Variants in ZZEF1 observed in about 807,000 individuals in gnomAD.
ZZEF1 encodes the protein zinc finger ZZ-type and EF-hand domain-containing protein 1.
In ZZEF1, 157 loss-of-function variants were observed where a neutral mutation model predicts 342.8. The observed-to-expected ratio is 0.46, with a 90% CI of 0.40 to 0.52. The LOEUF (loss-of-function observed/expected upper bound fraction) is 0.52, where lower values mean the gene tolerates loss of function less well. Among genes scored for constraint, ZZEF1 ranks in the 20% least tolerant of loss-of-function variants. The pLI is 0.00. For missense variants in ZZEF1, 3,480 were observed against 3,725.6 expected, an observed-to-expected ratio of 0.93 and a Z score of 1.72; for synonymous variants, 1,505 against 1,429.1, an observed-to-expected ratio of 1.05 and a Z score of -1.20.
At chr17:4,140,815 T>C (rs942276797) in intron 1 of ZZEF1, among the ~76,000 whole-genome samples, 1 of 152,112 alleles carries the variant, frequency 6.6e-6, no homozygotes, top group African/African-American at 2.4e-5. Context: ...CCACTACTAC[T>C]TCATATTCTC....
In ZZEF1 at chr17:4,075,363, G is replaced by T; in HGVS notation, c.3301C>A (p.His1101Asn). ...VLHTWTKESA[H>N]NYENNCHEVS... ...TCATGGCAATTATTTTCATAGTTGT[G>T]GGCAGATTCCTTCGTCCACGTATGT... Residue 1101 changes from histidine (H) to asparagine (N), a missense_variant, in exon 22 of 55, where the codon CAC becomes AAC. His to Asn is a moderately conservative substitution (Grantham distance 68). Coordinates refer to ENST00000381638, the MANE Select transcript of ZZEF1 (RefSeq NM_015113.4). 6.2e-7 allele frequency: 1 copy of T among 1,614,170 alleles called. No individual in the cohort carries two copies. Among genetic ancestry groups the T allele is most frequent in the Non-Finnish European group, 8.5e-7 (1 of 1,180,034 alleles).
intron 42 of ZZEF1, among the ~76,000 whole-genome samples, chr17:4,031,350 A>AAATAAATAAATAAATT (rs1450134581): frequency 2.0e-5 from 3 of 151,768 alleles, no homozygotes; most frequent in East Asian, 3.8e-4. Context: ...ATAAATAAAT[A>AAATAAATAAATAAATT]AATTTACAAT....
intron 46 of ZZEF1, 111 bp downstream of exon 46, chr17:4,019,558 G>T: frequency 1.1e-6 from 1 of 948,034 alleles, no homozygotes; most frequent in Non-Finnish European, 1.6e-6. Flanking sequence ...CTGCTTCCCG[G>T]CCTGTCGGAG....
Position 4,013,533 on chromosome 17 carries a change from A to G in ZZEF1, c.8495T>C (p.Val2832Ala), listed in dbSNP as rs747994660. Residue 2832 changes from valine (V) to alanine (A), a missense_variant, in exon 52 of 55, where the codon GTG becomes GCG. Physicochemically the swap from Val to Ala is moderately conservative, Grantham distance 64. Coordinates refer to ENST00000381638, the MANE Select transcript of ZZEF1 (RefSeq NM_015113.4). ...GCCAGTCTGGCGACAGGCCACGCCC[A>G]CCAGCCATTCCCAAATTTTTGCCAA... is the stretch of plus-strand genomic sequence containing the variant. ...LPLAKIWEWL[V>A]GVACRQTGHQ... is the part of the protein sequence containing the mutation. The G allele has an allele frequency of 1.5e-5, 25 of 1,613,670 alleles. No homozygotes were observed. Among genetic ancestry groups the G allele is most frequent in the African/African-American group, 2.7e-5 (2 of 74,932 alleles).
At position 4,104,618 on chromosome 17, in the gene ZZEF1, TTTTACCATA is replaced by T. The variant is rs1235564233; in HGVS notation, c.1573+6_1573+14del. The T allele has an allele frequency of 1.9e-6, 3 of 1,612,590 alleles. No individual in the cohort carries two copies. In the South Asian group the frequency reaches 3.3e-5, roughly 18 times the overall value. On this transcript the variant is annotated splice_donor_region_variant and intron_variant, in intron 8 of 54. Coordinates refer to ENST00000381638, the MANE Select transcript of ZZEF1 (RefSeq NM_015113.4). ...TGTTGACATTTCTATCACCCCCATG[TTTTACCATA>T]TTTACCATATTTGAGGAGCAGGTTC...
intron 43 of ZZEF1, among the ~76,000 whole-genome samples, chr17:4,024,138 G>A (rs151276110): frequency 6.8e-6 from 1 of 147,660 alleles, no homozygotes; most frequent in African/African-American, 2.5e-5. Flanking sequence ...TCAGGTATGG[G>A]AAATTCTCAT....
chr17:4,079,585 G>T (rs1027632294), intron 18 of ZZEF1, among the ~76,000 whole-genome samples: 4 of 152,156 alleles, frequency 2.6e-5, no homozygotes, highest in Non-Finnish European at 4.4e-5. Flanking sequence ...GCAAAAAATA[G>T]AGCATAGTTT....
intron 16 of ZZEF1, among the ~76,000 whole-genome samples, chr17:4,083,056 G>A (rs1434726367): frequency 3.3e-5 from 5 of 152,196 alleles, no homozygotes; most frequent in South Asian, 2.1e-4. Context: ...GATTACAGGC[G>A]TGAGCCACCG....
Position 4,053,975 on chromosome 17 carries a change from A to T in ZZEF1, c.5434+82T>A, listed in dbSNP as rs974947439. 6 of 1,473,056 alleles carry T rather than the reference A, an allele frequency of 4.1e-6. No homozygotes were observed. The African/African-American group carries it at 7.0e-5, about 17-fold the overall frequency. The allele number at this position is 1,473,056 out of a possible 1,614,324, so 91.2% of individuals were successfully genotyped here. ...GGCAGTACTTTGATTTAGTACACTG[A>T]GAGTTTTTAAAAATGACAAGATCAT... is the stretch of plus-strand genomic sequence containing the variant. On this transcript the variant is annotated intron_variant, in intron 34 of 54. Coordinates refer to ENST00000381638, the MANE Select transcript of ZZEF1 (RefSeq NM_015113.4).
At position 4,006,776 on chromosome 17, in the gene ZZEF1, C is replaced by T; in HGVS notation, c.*114G>A. ...TGCTTGGCATCCTAACTGGAGTGGT[C>T]AGCTCAAGGAGAGCTGGGCACTGGC... On this transcript the variant is annotated 3_prime_UTR_variant, in exon 55 of 55. Transcript: ENST00000381638. 2 of 1,146,270 alleles carry T rather than the reference C, an allele frequency of 1.7e-6. No individual in the cohort carries two copies. Among genetic ancestry groups the T allele is most frequent in the African/African-American group, 1.5e-5 (1 of 65,300 alleles). 71.0% of individuals were successfully genotyped at this position (1,146,270 alleles called of 1,614,324 possible).
rs994179385 is a variant in ZZEF1, at chr17:4,027,559, T to C, written c.6893-2441A>G. ...ATCAGCCCGCCTCGGCCTCCCAAAG[T>C]GCTGGGATTACAGGCATGAGCCACT... On this transcript the variant is annotated intron_variant, in intron 42 of 54. Transcript: ENST00000381638. Among the ~76,000 whole-genome samples, 4 of 150,838 alleles carry C rather than the reference T, an allele frequency of 2.7e-5. No individual in the cohort carries two copies. In the East Asian group the frequency reaches 7.8e-4, roughly 29 times the overall value.
rs1417267140 is a variant in ZZEF1, at chr17:4,042,419, T to C, written c.6306+10A>G. ...CACCACCCCCACTTTTAAAAATAAA[T>C]TGCCCTTACCGACTTTAAGGGAGGT... On this transcript the variant is annotated intron_variant, in intron 39 of 54. Transcript: ENST00000381638. The C allele has an allele frequency of 6.2e-7, 1 of 1,605,212 alleles. No individual in the cohort carries two copies.
At chr17:4,071,519 A>G (rs1257285387) in intron 25 of ZZEF1, 1 of 152,406 alleles carries the variant, frequency 6.6e-6, no homozygotes, top group Non-Finnish European at 1.5e-5. Context: ...TATAAAAAAA[A>G]CTTGGTAGGT....
chr17:4,031,293 G>A (rs1219089412), intron 42 of ZZEF1, among the ~76,000 whole-genome samples: 1 of 146,474 alleles, frequency 6.8e-6, no homozygotes, highest in Non-Finnish European at 1.5e-5. Flanking sequence ...TCCAGCCTGG[G>A]CAACAGAGTG....
chr17:4,131,594 T>C (rs1232959907), intron 1 of ZZEF1, among the ~76,000 whole-genome samples: 3 of 151,732 alleles, frequency 2.0e-5, no homozygotes, highest in Non-Finnish European at 4.4e-5. Flanking sequence ...GTGTGAGCGA[T>C]GTGGCAAAAC....
At position 4,009,761 on chromosome 17, in the gene ZZEF1, C is replaced by A; in HGVS notation, c.8580-4G>T. The A allele has an allele frequency of 6.2e-7, 1 of 1,613,464 alleles. No individual in the cohort carries two copies. The highest frequency in any genetic ancestry group is 8.5e-7 in the Non-Finnish European group (1 of 1,179,622). On this transcript the variant is annotated splice_polypyrimidine_tract_variant and splice_region_variant and intron_variant, in intron 52 of 54. Coordinates refer to ENST00000381638, the MANE Select transcript of ZZEF1 (RefSeq NM_015113.4). ...CAGCGCAAGGTCACACAGGTCACTGCAGGAGGAGCCCCGGAGGTGGTCAGT... is the reference window on the plus strand; with the variant it reads ...CAGCGCAAGGTCACACAGGTCACTGAAGGAGGAGCCCCGGAGGTGGTCAGT...
intron 25 of ZZEF1, 148 bp downstream of exon 25, chr17:4,072,460 C>T: frequency 2.0e-6 from 2 of 988,910 alleles, no homozygotes; most frequent in South Asian, 2.3e-5. Flanking sequence ...GTGGCGTTAA[C>T]AAGTTAACAA....
chr17:4,064,902 T>G, intron 28 of ZZEF1, 73 bp from the exon 29 acceptor site: 15 of 1,124,772 alleles, frequency 1.3e-5, no homozygotes, highest in East Asian at 2.5e-5. Flanking sequence ...GGGAGAGGGA[T>G]AGCATTAGAG....
chr17:4,132,332 C>T (rs1312357502), intron 1 of ZZEF1, among the ~76,000 whole-genome samples: 1 of 151,936 alleles, frequency 6.6e-6, no homozygotes, highest in Non-Finnish European at 1.5e-5. Context: ...TAAAGGCATG[C>T]GCCACCATAC....
Sources: gnomAD v4.1 joint callset for allele counts (sites outside exome capture counted in the v4.1 genomes callset) on GRCh38, gnomAD v4.1.1 for gene constraint, MANE v1.5 for transcripts, NCBI Gene and HGNC (gene_info 2026-07-23, HGNC 2026-07-21) for gene names.